NLRC5: variants seen among roughly 807,000 people sequenced by gnomAD.
NLRC5 encodes the protein NLR family CARD domain containing 5, also known as protein NLRC5.
A neutral mutation model predicts 206.9 loss-of-function variants in NLRC5; 114 were observed. That is an observed-to-expected ratio of 0.55 (90% CI 0.47 to 0.64). NLRC5 has a LOEUF of 0.64. Among genes scored for constraint, NLRC5 ranks in the 30% least tolerant of loss-of-function variants. The pLI, the probability that NLRC5 is intolerant of heterozygous loss-of-function variation, is 0.00. For missense variants in NLRC5, 2,008 were observed against 2,305.5 expected (o/e 0.87, Z 2.64); for synonymous variants, 952 against 962.8 (o/e 0.99, Z 0.21).
At chr16:57,044,889 A>C (rs1179570810) in intron 20 of NLRC5, among the ~76,000 whole-genome samples, 5 of 150,240 alleles carry the variant, frequency 3.3e-5, no homozygotes, top group African/African-American at 1.2e-4. Context: ...CAGCCTGGGC[A>C]ACAGAGCAAG....
intron 12 of NLRC5, 76 bp from the exon 13 acceptor site, chr16:57,034,092 C>A (rs1445779788): frequency 9.5e-6 from 12 of 1,263,662 alleles, no homozygotes; most frequent in Non-Finnish European, 1.1e-5. Flanking sequence ...CTGACTCCCC[C>A]AGCATTGGAA....
intron 48 of NLRC5, among the ~76,000 whole-genome samples, 177 bp downstream of exon 48, chr16:57,081,787 A>T (rs2069181176): frequency 6.6e-6 from 1 of 152,244 alleles, no homozygotes; most frequent in African/African-American, 2.4e-5. Context: ...CAGCTCTGCC[A>T]CTTGCCAACT....
At chr16:57,002,140 TA>T (rs1489876291) in intron 1 of NLRC5, among the ~76,000 whole-genome samples, 8 of 152,218 alleles carry the variant, frequency 5.3e-5, no homozygotes, top group Non-Finnish European at 1.2e-4. Flanking sequence ...CATTTTCTTT[TA>T]CTCTTTTATT....
chr16:57,006,888 C>CATTATTATTACT (rs1555512679), intron 1 of NLRC5, among the ~76,000 whole-genome samples: 5 of 144,058 alleles, frequency 3.5e-5, no homozygotes, highest in Non-Finnish European at 4.5e-5. Flanking sequence ...ACCGTTAACA[C>CATTATTATTACT]ATTATTATTA....
intron 26 of NLRC5, 142 bp downstream of exon 26, chr16:57,055,236 C>A: frequency 1.0e-6 from 1 of 1,000,706 alleles, no homozygotes; most frequent in Non-Finnish European, 1.5e-6. Flanking sequence ...CTTGTTTCAC[C>A]CAGCATGAAG....
Position 57,059,459 on chromosome 16 carries a change from C to A in NLRC5, c.3921-8C>A. On this transcript the variant is annotated splice_polypyrimidine_tract_variant and splice_region_variant and intron_variant, in intron 29 of 48. Transcript: ENST00000688547. ...GCACCGTGCTTCCCCAGGCCCTTCTCTCTGCAGCCTGGGCTCTGAGCAGAG... is the reference window on the plus strand; with the variant it reads ...GCACCGTGCTTCCCCAGGCCCTTCTATCTGCAGCCTGGGCTCTGAGCAGAG... 6.2e-7 allele frequency: 1 copy of A among 1,604,748 alleles called. No individual in the cohort carries two copies. The highest frequency in any genetic ancestry group is 1.1e-5 in the South Asian group (1 of 89,090).
At chr16:57,024,709 C>G (rs1170450725) in intron 5 of NLRC5, among the ~76,000 whole-genome samples, 1 of 152,128 alleles carries the variant, frequency 6.6e-6, no homozygotes, top group Non-Finnish European at 1.5e-5. Flanking sequence ...GAGGTTGTTT[C>G]AATAAGATAT....
rs1210673339 is a variant in NLRC5 at position 57,081,641 on chromosome 16, G to A, written c.5489+31G>A. 7 of 1,587,676 alleles carry A rather than the reference G, an allele frequency of 4.4e-6. No homozygotes were observed. The Middle Eastern group carries it at 5.0e-4, about 113-fold the overall frequency. Reference sequence around the variant, plus strand: ...AGAGGCCTGCAGGGGCAGGGATGGTGGGTGGGAGGCTACACCAACCCCCAG... The same window carrying A: ...AGAGGCCTGCAGGGGCAGGGATGGTAGGTGGGAGGCTACACCAACCCCCAG... On this transcript the variant is annotated intron_variant, in intron 48 of 48. Coordinates refer to ENST00000688547, the MANE Select transcript of NLRC5 (RefSeq NM_001384950.1).
At position 57,043,528 on chromosome 16, in the gene NLRC5, G is replaced by A. The variant is rs777408629; in HGVS notation, c.3127G>A (p.Gly1043Ser). Residue 1043 changes from glycine to serine, a missense_variant, in exon 20 of 49, where the codon GGT becomes AGT. By Grantham distance (56) the Gly-to-Ser change is moderately conservative. Coordinates refer to ENST00000688547, the MANE Select transcript of NLRC5 (RefSeq NM_001384950.1). Reference sequence around the variant, plus strand: ...TGTGATCTCCAGCCTCAGTGAGAACGGTTTGTCCCTGGATGCCGTGTTGGG... The same window carrying A: ...TGTGATCTCCAGCCTCAGTGAGAACAGTTTGTCCCTGGATGCCGTGTTGGG... The part of the protein sequence containing the change: ...ALQSLNLSEN[G>S]LSLDAVLGLV... 35 of 1,613,950 alleles carry A rather than the reference G, an allele frequency of 2.2e-5. No individual in the cohort carries two copies. The South Asian group carries it at 3.3e-4, about 15-fold the overall frequency.
chr16:57,013,493 C>T, intron 1 of NLRC5: 1 of 757,956 alleles, frequency 1.3e-6, no homozygotes, highest in Non-Finnish European at 2.4e-6. Context: ...GAGGTGAGCA[C>T]AGATTCCATT....
rs767685427 is a variant in NLRC5 at position 57,081,116 on chromosome 16, C to T, written c.5340C>T (p.Leu1780=). 3.6e-5 allele frequency: 56 copies of T among 1,547,884 alleles called. No individual in the cohort carries two copies. The highest frequency in any genetic ancestry group is 1.7e-4 in the Middle Eastern group (1 of 5,786). Residue 1780 remains leucine, a synonymous_variant, in exon 47 of 49, where the codon CTC becomes CTT. Transcript: ENST00000688547. ...CCTGCAGGCTGTCCTGGAATCTCCT[C>T]GGGGATGAGGCAGCTGCCGAGCTGG... ...LEVILLSWNL[L]GDEAAAELAQ...
intron 6 of NLRC5, among the ~76,000 whole-genome samples, chr16:57,027,478 G>C (rs1449443379): frequency 6.6e-6 from 1 of 152,254 alleles, no homozygotes; most frequent in Non-Finnish European, 1.5e-5. Flanking sequence ...ATATTAGCTA[G>C]AGAAAAGGCT....
chr16:56,999,510 C>T (rs536363069), intron 1 of NLRC5, among the ~76,000 whole-genome samples: 21 of 152,374 alleles, frequency 1.4e-4, no homozygotes, highest in African/African-American at 5.0e-4. Context: ...AAGCAAGACT[C>T]CTCTGGGACA....
In NLRC5 at chr16:57,013,575, C is replaced by A. The variant is rs970388358; in HGVS notation, c.-127-3499C>A. On this transcript the variant is annotated intron_variant, in intron 1 of 48. Coordinates refer to ENST00000688547, the MANE Select transcript of NLRC5 (RefSeq NM_001384950.1). The stretch of plus-strand genomic sequence containing the variant: ...GAGAGATGCTGCAGAATTTTAAGTA[C>A]CCAAAGTTTCTCAACAAGTTGATTT... 24 of 1,102,154 alleles carry A rather than the reference C, an allele frequency of 2.2e-5. No individual in the cohort carries two copies. In the African/African-American group the frequency reaches 3.4e-4, roughly 16 times the overall value. 68.3% of individuals were successfully genotyped at this position (1,102,154 alleles called of 1,614,324 possible). A position where few individuals can be genotyped will look rare whatever the true frequency, so the allele number is the denominator to read the frequency against.
At chr16:57,038,485 C>A (rs754295735) in intron 15 of NLRC5, among the ~76,000 whole-genome samples, 1 of 152,042 alleles carries the variant, frequency 6.6e-6, no homozygotes, top group African/African-American at 2.4e-5. Context: ...CTCAAACTCC[C>A]GAGCTCATGT....
At chr16:57,074,927 C>T (rs1282875071) in intron 39 of NLRC5, among the ~76,000 whole-genome samples, 1 of 150,208 alleles carries the variant, frequency 6.7e-6, no homozygotes, top group Non-Finnish European at 1.5e-5. Flanking sequence ...ACCCTTGAGG[C>T]ACACACACAG....
intron 30 of NLRC5, among the ~76,000 whole-genome samples, chr16:57,060,602 C>T (rs2066338652): frequency 6.6e-6 from 1 of 151,796 alleles, no homozygotes; most frequent in South Asian, 2.1e-4. Flanking sequence ...ACAAATACAG[C>T]ACACACACCA....
intron 16 of NLRC5, among the ~76,000 whole-genome samples, chr16:57,040,382 T>C (rs941994799): frequency 6.6e-6 from 1 of 152,178 alleles, no homozygotes; most frequent in East Asian, 1.9e-4. Context: ...AGGATGAGAT[T>C]AATGATAATA....
chr16:57,001,476 G>C (rs1381531025), intron 1 of NLRC5, among the ~76,000 whole-genome samples: 1 of 152,206 alleles, frequency 6.6e-6, no homozygotes, highest in Non-Finnish European at 1.5e-5. Flanking sequence ...CTCCACTCCT[G>C]TCCTCTCTGC....
Sources: gnomAD v4.1 joint callset for allele counts (sites outside exome capture counted in the v4.1 genomes callset) on GRCh38, gnomAD v4.1.1 for gene constraint, MANE v1.5 for transcripts, NCBI Gene and HGNC (gene_info 2026-07-23, HGNC 2026-07-21) for gene names.